SNTG2: variants seen among roughly 807,000 people sequenced by gnomAD.
The protein encoded by SNTG2 is gamma-2-syntrophin.
SNTG2 carries 74 observed loss-of-function variants against 70.9 expected under a neutral mutation model. The ratio of observed to expected loss-of-function variants is 1.04; its 90% CI spans 0.86 to 1.27. The LOEUF is 1.27. SNTG2 is among the 50% of genes most tolerant of loss of function. The probability of loss-of-function intolerance (pLI) is 0.00; values close to 1 mark genes in which losing one functional copy is unlikely to be tolerated. For synonymous variants in SNTG2, 278 were observed against 273.8 expected, an observed-to-expected ratio of 1.02 and a Z score of -0.15; for missense variants, 717 against 690.7, an observed-to-expected ratio of 1.04 and a Z score of -0.43.
intron 4 of SNTG2, among the ~76,000 whole-genome samples, chr2:1,113,332 A>G (rs1056771967): frequency 4.8e-5 from 7 of 144,360 alleles, no homozygotes; most frequent in African/African-American, 1.0e-4. Context: ...GTCCTTTGAG[A>G]AGGATCGTGT....
chr2:1,061,628 A>T (rs1298623888), intron 1 of SNTG2, among the ~76,000 whole-genome samples: 2 of 152,190 alleles, frequency 1.3e-5, no homozygotes, highest in Admixed American at 1.3e-4. Context: ...GGCTCAAGAA[A>T]TCATAAAGGA....
intron 8 of SNTG2, among the ~76,000 whole-genome samples, chr2:1,178,146 A>G (rs981630262): frequency 1.3e-5 from 2 of 152,164 alleles, no homozygotes; most frequent in African/African-American, 4.8e-5. Flanking sequence ...GTAAAAGCCA[A>G]TTTGCTGTGC....
Position 959,190 on chromosome 2 carries a change from T to C in SNTG2, c.72+8122T>C, listed in dbSNP as rs570569218. Among the ~76,000 whole-genome samples, 6 of 152,268 alleles carry C rather than the reference T, an allele frequency of 3.9e-5. No homozygotes were observed. The East Asian group carries it at 1.2e-3, about 29-fold the overall frequency. ...AAATCTAGTAGCTGAAAAAAGGAAG[T>C]AAACTGAAAGCTTTCCTATCAGAAC... On this transcript the variant is annotated intron_variant, in intron 1 of 16. Transcript: ENST00000308624.
chr2:1,323,071 CA>C (rs1459010478), intron 16 of SNTG2, among the ~76,000 whole-genome samples: 1 of 152,140 alleles, frequency 6.6e-6, no homozygotes, highest in Non-Finnish European at 1.5e-5. Context: ...AAATTTTGAC[CA>C]AAAGAAACAT....
chr2:1,214,257 T>C (rs575974083), intron 9 of SNTG2, among the ~76,000 whole-genome samples: 3 of 152,346 alleles, frequency 2.0e-5, no homozygotes, highest in African/African-American at 7.2e-5. Context: ...ATATACATTT[T>C]AGGATTGTGT....
At chr2:1,338,527 C>G (rs1052345413) in intron 16 of SNTG2, among the ~76,000 whole-genome samples, 3 of 152,034 alleles carry the variant, frequency 2.0e-5, no homozygotes, top group Non-Finnish European at 4.4e-5. Flanking sequence ...TTTATTTTCC[C>G]CTTCTCCCAA....
chr2:1,312,204 C>T (rs1681027780), intron 15 of SNTG2, among the ~76,000 whole-genome samples: 1 of 150,334 alleles, frequency 6.7e-6, no homozygotes, highest in Admixed American at 6.6e-5. Flanking sequence ...GCCTAAATCT[C>T]TCGATGCAAA....
intron 16 of SNTG2, among the ~76,000 whole-genome samples, chr2:1,321,829 A>T (rs932861818): frequency 3.3e-5 from 5 of 152,132 alleles, no homozygotes; most frequent in African/African-American, 1.2e-4. Flanking sequence ...TAAAATTCTC[A>T]TCTCAAGAAA....
chr2:1,039,914 G>A (rs1049085526), intron 1 of SNTG2, among the ~76,000 whole-genome samples: 8 of 152,194 alleles, frequency 5.3e-5, no homozygotes, highest in South Asian at 2.1e-4. Context: ...CTGGGCACAC[G>A]CTGTGAACCT....
chr2:1,046,972 T>C (rs1474698050), intron 1 of SNTG2, among the ~76,000 whole-genome samples: 1 of 152,206 alleles, frequency 6.6e-6, no homozygotes, highest in African/African-American at 2.4e-5. Context: ...GCTTGTTCTC[T>C]TTTCTTCTCT....
At chr2:963,362 CTCTT>C (rs1292141985) in intron 1 of SNTG2, among the ~76,000 whole-genome samples, 1 of 151,976 alleles carries the variant, frequency 6.6e-6, no homozygotes, top group East Asian at 1.9e-4. Flanking sequence ...AAAAAGTTAA[CTCTT>C]TATTTAACTT....
chr2:1,060,062 A>C (rs979159495), intron 1 of SNTG2, among the ~76,000 whole-genome samples: 1 of 152,218 alleles, frequency 6.6e-6, no homozygotes, highest in Non-Finnish European at 1.5e-5. Context: ...CCTACCTTAC[A>C]TCATATCAAA....
intron 16 of SNTG2, among the ~76,000 whole-genome samples, chr2:1,328,695 A>T (rs573506532): frequency 4.6e-5 from 7 of 152,324 alleles, no homozygotes; most frequent in East Asian, 3.9e-4. Context: ...GTGGAGAAAC[A>T]CACAAAATGA....
chr2:1,237,439 G>C (rs1229922047), intron 9 of SNTG2, among the ~76,000 whole-genome samples: 2 of 152,016 alleles, frequency 1.3e-5, no homozygotes, highest in South Asian at 4.2e-4. Context: ...CAGTGGAAGG[G>C]GACTATGTTC....
intron 13 of SNTG2, among the ~76,000 whole-genome samples, chr2:1,261,498 C>G (rs575946642): frequency 6.6e-6 from 1 of 152,220 alleles, no homozygotes; most frequent in East Asian, 1.9e-4. Flanking sequence ...TTTCAACACT[C>G]ATCACGAAAT....
chr2:1,196,735 C>T (rs1221021866), intron 8 of SNTG2, among the ~76,000 whole-genome samples: 4 of 151,860 alleles, frequency 2.6e-5, no homozygotes, highest in African/African-American at 9.7e-5. Context: ...ATTCAAAGTA[C>T]TAAAAGAAAA....
At chr2:1,038,593 C>T (rs981988101) in intron 1 of SNTG2, among the ~76,000 whole-genome samples, 4 of 152,194 alleles carry the variant, frequency 2.6e-5, no homozygotes, top group Non-Finnish European at 5.9e-5. Flanking sequence ...AGAAATTCAA[C>T]ATGGATAAGA....
At chr2:1,028,601 T>A (rs1282143004) in intron 1 of SNTG2, among the ~76,000 whole-genome samples, 1 of 152,196 alleles carries the variant, frequency 6.6e-6, no homozygotes, top group African/African-American at 2.4e-5. Context: ...CCAGAAACCC[T>A]CTGCTTTCCC....
chr2:1,258,617 A>T (rs894530612), intron 12 of SNTG2, among the ~76,000 whole-genome samples: 2 of 152,206 alleles, frequency 1.3e-5, no homozygotes, highest in Admixed American at 1.3e-4. Flanking sequence ...TGCACTTTGG[A>T]TTATTTTTAC....
Sources: gnomAD v4.1 joint callset for allele counts (sites outside exome capture counted in the v4.1 genomes callset) on GRCh38, gnomAD v4.1.1 for gene constraint, MANE v1.5 for transcripts, NCBI Gene and HGNC (gene_info 2026-07-23, HGNC 2026-07-21) for gene names.